CRPPA: variants seen among roughly 807,000 people sequenced by gnomAD.
CRPPA encodes CDP-L-ribitol pyrophosphorylase A.
In CRPPA, 43 loss-of-function variants were observed where a neutral mutation model predicts 52.0. The observed-to-expected ratio is 0.83, with a 90% CI of 0.65 to 1.07. The LOEUF is 1.07. CRPPA is among the 50% of genes least tolerant of loss of function. The pLI is 0.00. For missense variants in CRPPA, 629 were observed against 551.7 expected (o/e 1.14, Z -1.40); for synonymous variants, 250 against 203.5 (o/e 1.23, Z -1.94).
intron 9 of CRPPA, among the ~76,000 whole-genome samples, chr7:16,118,246 A>G (rs1782416974): frequency 1.3e-5 from 2 of 152,126 alleles, no homozygotes. Flanking sequence ...TGAGGTACAG[A>G]CTGTGGAAGG....
intron 9 of CRPPA, among the ~76,000 whole-genome samples, chr7:16,166,844 C>T (rs930589329): frequency 6.6e-6 from 1 of 152,074 alleles, no homozygotes; most frequent in Non-Finnish European, 1.5e-5. Context: ...CAATGCCCTT[C>T]TTCTTGCTTT....
chr7:16,258,859 T>C lies in CRPPA; in HGVS notation c.1026+61A>G, dbSNP rs1461903174. 9.1e-6 allele frequency: 9 copies of C among 985,256 alleles called. No individual in the cohort carries two copies. In the East Asian group the frequency reaches 2.1e-4, roughly 23 times the overall value. The allele number at this position is 985,256 out of a possible 1,614,324, so 61.0% of individuals were successfully genotyped here. On this transcript the variant is annotated intron_variant, in intron 7 of 9. Coordinates refer to ENST00000407010, the MANE Select transcript of CRPPA (RefSeq NM_001101426.4). Reference sequence around the variant, plus strand: ...CATATATAAATATTTAAGAATCAAATTAGTTCTCTTCCACATTTGTTCATA... The same window carrying C: ...CATATATAAATATTTAAGAATCAAACTAGTTCTCTTCCACATTTGTTCATA...
chr7:16,340,033 G>T (rs995537714), intron 3 of CRPPA, among the ~76,000 whole-genome samples: 2 of 152,098 alleles, frequency 1.3e-5, no homozygotes, highest in Admixed American at 1.3e-4. Context: ...AAATTGTGCT[G>T]AAAAACTGGA....
At chr7:16,398,212 A>C (rs1583577789) in intron 2 of CRPPA, among the ~76,000 whole-genome samples, 1 of 152,154 alleles carries the variant, frequency 6.6e-6, no homozygotes, top group Non-Finnish European at 1.5e-5. Flanking sequence ...TCAAGACATG[A>C]TCTACATGTA....
intron 8 of CRPPA, among the ~76,000 whole-genome samples, chr7:16,246,019 C>T (rs981383303): frequency 2.0e-5 from 3 of 151,862 alleles, no homozygotes; most frequent in Admixed American, 6.6e-5. Context: ...CAACATAGTT[C>T]GCTGCCTAGA....
chr7:16,196,812 T>C (rs1781746429), intron 9 of CRPPA, among the ~76,000 whole-genome samples: 1 of 152,162 alleles, frequency 6.6e-6, no homozygotes, highest in Non-Finnish European at 1.5e-5. Context: ...CATTTTTCCC[T>C]AAATAACCAA....
At chr7:16,194,887 G>A (rs1781696536) in intron 9 of CRPPA, among the ~76,000 whole-genome samples, 1 of 151,398 alleles carries the variant, frequency 6.6e-6, no homozygotes, top group Non-Finnish European at 1.5e-5. Flanking sequence ...GTGACATTTG[G>A]ATGGATATTG....
intron 2 of CRPPA, among the ~76,000 whole-genome samples, chr7:16,376,464 A>C (rs545183611): frequency 1.3e-5 from 2 of 152,166 alleles, no homozygotes; most frequent in East Asian, 1.9e-4. Flanking sequence ...ATTTTCCTTC[A>C]TTATAAGTTC....
chr7:16,396,101 CA>C (rs1336131793), intron 2 of CRPPA, among the ~76,000 whole-genome samples: 2 of 152,088 alleles, frequency 1.3e-5, no homozygotes, highest in Admixed American at 6.6e-5. Context: ...AGGATTTAAA[CA>C]AGTATCAAAG....
intron 9 of CRPPA, among the ~76,000 whole-genome samples, chr7:16,127,680 G>C (rs561466043): frequency 2.6e-5 from 4 of 152,048 alleles, no homozygotes; most frequent in Non-Finnish European, 5.9e-5. Flanking sequence ...ATGAAGTATG[G>C]AAAGGTGTCA....
chr7:16,400,159 G>C (rs908166540), intron 2 of CRPPA, among the ~76,000 whole-genome samples: 8 of 152,096 alleles, frequency 5.3e-5, no homozygotes, highest in African/African-American at 1.9e-4. Flanking sequence ...TGACATGATT[G>C]ACGTGATGAC....
chr7:16,215,348 T>A (rs566873647), intron 9 of CRPPA, among the ~76,000 whole-genome samples: 1 of 152,186 alleles, frequency 6.6e-6, no homozygotes, highest in African/African-American at 2.4e-5. Context: ...AAAGGACAAA[T>A]CCACAGATTC....
intron 3 of CRPPA, among the ~76,000 whole-genome samples, chr7:16,333,618 T>C (rs1464046034): frequency 1.3e-5 from 2 of 152,162 alleles, no homozygotes; most frequent in African/African-American, 2.4e-5. Flanking sequence ...GCTTCCACCA[T>C]GGGAAACCAA....
chr7:16,122,910 C>A (rs1045353733), intron 9 of CRPPA, among the ~76,000 whole-genome samples: 1 of 151,852 alleles, frequency 6.6e-6, no homozygotes, highest in Non-Finnish European at 1.5e-5. Context: ...TTTGTACACC[C>A]CTTTATAGCA....
At chr7:16,356,009 T>TA (rs1786285492) in intron 3 of CRPPA, among the ~76,000 whole-genome samples, 1 of 151,996 alleles carries the variant, frequency 6.6e-6, no homozygotes, top group African/African-American at 2.4e-5. Context: ...TTTGACAACT[T>TA]ACATGCCCTA....
At chr7:16,271,206 C>G (rs183332625) in intron 6 of CRPPA, among the ~76,000 whole-genome samples, 1 of 152,066 alleles carries the variant, frequency 6.6e-6, no homozygotes, top group Non-Finnish European at 1.5e-5. Context: ...GAGTATAGAT[C>G]AGCATTCTTT....
chr7:16,418,691 C>A (rs780725868), intron 1 of CRPPA, among the ~76,000 whole-genome samples: 2 of 152,128 alleles, frequency 1.3e-5, no homozygotes, highest in African/African-American at 4.8e-5. Flanking sequence ...GGGAAACAAT[C>A]CCCATGATTC....
intron 8 of CRPPA, among the ~76,000 whole-genome samples, chr7:16,217,177 G>A (rs750662066): frequency 1.1e-4 from 16 of 144,902 alleles, no homozygotes; most frequent in Non-Finnish European, 2.4e-4. Context: ...CCCAGCAGGG[G>A]CACACTGACA....
At chr7:16,124,121 T>G in intron 9 of CRPPA, among the ~76,000 whole-genome samples, 1 of 151,106 alleles carries the variant, frequency 6.6e-6, no homozygotes, top group Non-Finnish European at 1.5e-5. Flanking sequence ...TTTTATTTTT[T>G]TTTTGAGGAA....
Sources: gnomAD v4.1 joint callset for allele counts (sites outside exome capture counted in the v4.1 genomes callset) on GRCh38, gnomAD v4.1.1 for gene constraint, MANE v1.5 for transcripts, NCBI Gene and HGNC (gene_info 2026-07-23, HGNC 2026-07-21) for gene names.